The following SCFD2 variants were observed in gnomAD, a reference collection of about 807,000 sequenced individuals.
SCFD2 encodes sec1 family domain containing 2.
Under a neutral mutation model 58.9 loss-of-function variants are expected in SCFD2, and 54 were observed. The ratio of observed to expected loss-of-function variants is 0.92; its 90% confidence interval spans 0.74 to 1.15. The LOEUF is 1.15. Among genes scored for constraint, SCFD2 ranks in the 50% most tolerant of loss-of-function variants. The pLI, the probability that SCFD2 is intolerant of heterozygous loss-of-function variation, is 0.00. For synonymous variants in SCFD2, 321 were observed against 335.9 expected, an observed-to-expected ratio of 0.96 and a Z score of 0.49; for missense variants, 805 against 836.6, an observed-to-expected ratio of 0.96 and a Z score of 0.47.
chr4:53,032,885 C>A (rs1722654515), intron 5 of SCFD2, among the ~76,000 whole-genome samples: 2 of 152,020 alleles, frequency 1.3e-5, no homozygotes, highest in Admixed American at 1.3e-4. Context: ...TTTAACAAAC[C>A]CTTGTCAATA....
chr4:53,237,921 C>T (rs1370905976), intron 4 of SCFD2, among the ~76,000 whole-genome samples: 2 of 108,386 alleles, frequency 1.8e-5, no homozygotes, highest in African/African-American at 7.1e-5. Context: ...CCCCCCACCT[C>T]CCTTCCGGAC....
In SCFD2 at chr4:53,365,455, CA is replaced by C. The variant is rs1422517420; in HGVS notation, c.486del (p.Val163LeufsTer7). The C allele has an allele frequency of 1.9e-6, 3 of 1,614,082 alleles. No individual in the cohort carries two copies. Among genetic ancestry groups the C allele is most frequent in the Non-Finnish European group, 2.5e-6 (3 of 1,180,060 alleles). ...GGAGTCAAGGCAAAGTGGGGAGCAA[CA>C]GGGGCAAGCAATAACGGGACATGGA... ...EVFHVPLLLA[P>X]VAPHFALTPA... On this transcript the variant is annotated frameshift_variant, in exon 1 of 9. Coordinates refer to ENST00000401642, the MANE Select transcript of SCFD2 (RefSeq NM_152540.4). LOFTEE classifies it high-confidence loss of function. The surrounding 1 kb of genome is among the most constrained non-coding windows in gnomAD (Gnocchi z 4.3).
At chr4:52,970,122 C>T (rs1721060855) in intron 5 of SCFD2, among the ~76,000 whole-genome samples, 1 of 152,294 alleles carries the variant, frequency 6.6e-6, no homozygotes, top group Non-Finnish European at 1.5e-5. Flanking sequence ...TCTTCATTTC[C>T]AACTGAGGTA....
At chr4:52,956,222 C>T (rs541996527) in intron 5 of SCFD2, 10 of 456,742 alleles carry the variant, frequency 2.2e-5, no homozygotes, top group African/African-American at 1.2e-4. Flanking sequence ...CTACATCCTA[C>T]CTGCCTCCCC....
intron 6 of SCFD2, among the ~76,000 whole-genome samples, chr4:52,913,476 C>G (rs1391096351): frequency 2.0e-5 from 3 of 152,188 alleles, no homozygotes; most frequent in Admixed American, 2.0e-4. Context: ...GTCACTGTCT[C>G]TGTCTCCCAT....
At chr4:52,921,248 A>T (rs754522236) in intron 5 of SCFD2, among the ~76,000 whole-genome samples, 1 of 152,152 alleles carries the variant, frequency 6.6e-6, no homozygotes, top group Non-Finnish European at 1.5e-5. Context: ...GACTGTTATG[A>T]TCAAACTCAC....
At chr4:53,082,017 T>G (rs1444721833) in intron 5 of SCFD2, among the ~76,000 whole-genome samples, 1 of 152,238 alleles carries the variant, frequency 6.6e-6, no homozygotes, top group Admixed American at 6.5e-5. Context: ...TCATCCATGT[T>G]GTAGCATGTG....
intron 1 of SCFD2, among the ~76,000 whole-genome samples, chr4:53,356,936 A>G (rs1204235879): frequency 1.3e-5 from 2 of 151,978 alleles, no homozygotes; most frequent in African/African-American, 4.8e-5. Flanking sequence ...ACAGGGTTGT[A>G]GACATATTTT....
intron 3 of SCFD2, among the ~76,000 whole-genome samples, chr4:53,278,085 C>G (rs1230543740): frequency 1.4e-5 from 2 of 147,536 alleles, no homozygotes; most frequent in Non-Finnish European, 3.0e-5. Flanking sequence ...AAACAGTCCT[C>G]GCCAGGCGCA....
chr4:52,926,311 T>C lies in SCFD2; in HGVS notation c.1562-5441A>G, dbSNP rs75091155. Among the ~76,000 whole-genome samples, 236 of 152,104 alleles carry C rather than the reference T, an allele frequency of 1.6e-3. 2 individuals are homozygous for C. In the East Asian group the frequency reaches 0.035, roughly 22 times the overall value. On this transcript the variant is annotated intron_variant, in intron 5 of 8. Coordinates refer to ENST00000401642, the MANE Select transcript of SCFD2 (RefSeq NM_152540.4). ...GGTATTTAGGAAAATAAAACATCTT[T>C]CATCAGAAGGGTGCTTCAGTCTGGA...
intron 1 of SCFD2, among the ~76,000 whole-genome samples, chr4:53,358,001 G>A (rs1329312259): frequency 6.6e-6 from 1 of 151,894 alleles, no homozygotes; most frequent in Non-Finnish European, 1.5e-5. Flanking sequence ...CGTAAAATTG[G>A]GATAATTATA....
At chr4:53,316,226 T>C (rs1369255406) in intron 2 of SCFD2, among the ~76,000 whole-genome samples, 1 of 152,250 alleles carries the variant, frequency 6.6e-6, no homozygotes, top group African/African-American at 2.4e-5. Flanking sequence ...TGTTTATTTG[T>C]TGTCTGTCTC....
intron 5 of SCFD2, among the ~76,000 whole-genome samples, chr4:53,030,595 C>T (rs1274481391): frequency 1.3e-5 from 2 of 152,196 alleles, no homozygotes; most frequent in East Asian, 3.9e-4. Flanking sequence ...ACTAATTTTG[C>T]ATTTTTAGTA....
intron 5 of SCFD2, among the ~76,000 whole-genome samples, chr4:52,968,722 C>T (rs371934371): frequency 1.3e-5 from 2 of 151,972 alleles, no homozygotes; most frequent in African/African-American, 4.8e-5. Context: ...GTGTGGGGAT[C>T]GGCAACCAAC....
At chr4:52,875,114 T>A (rs1028201758) in intron 8 of SCFD2, among the ~76,000 whole-genome samples, 4 of 152,206 alleles carry the variant, frequency 2.6e-5, no homozygotes, top group African/African-American at 9.7e-5. Flanking sequence ...AGTCAGCGGC[T>A]GAGTCAGGAT....
chr4:53,163,115 G>A (rs1290463329), intron 4 of SCFD2, among the ~76,000 whole-genome samples: 2 of 152,118 alleles, frequency 1.3e-5, no homozygotes, highest in Non-Finnish European at 2.9e-5. Flanking sequence ...GCCGGGACAA[G>A]GCCCTGGAGT....
chr4:53,049,030 A>T (rs771209682), intron 5 of SCFD2, among the ~76,000 whole-genome samples: 6 of 152,218 alleles, frequency 3.9e-5, no homozygotes, highest in Non-Finnish European at 8.8e-5. Flanking sequence ...AGTAAATCAG[A>T]TGAACAGTGT....
At chr4:52,926,769 C>A (rs964718188) in intron 5 of SCFD2, among the ~76,000 whole-genome samples, 2 of 152,106 alleles carry the variant, frequency 1.3e-5, no homozygotes, top group African/African-American at 4.8e-5. Context: ...TCCATGGGCT[C>A]CTGGGGCAGT....
At chr4:52,979,445 A>G (rs963462081) in intron 5 of SCFD2, among the ~76,000 whole-genome samples, 7 of 152,070 alleles carry the variant, frequency 4.6e-5, no homozygotes, top group East Asian at 1.9e-4. Flanking sequence ...TTTCACAACT[A>G]TTAGGAGACT....
Sources: gnomAD v4.1 joint callset for allele counts (sites outside exome capture counted in the v4.1 genomes callset) on GRCh38, gnomAD v4.1.1 for gene constraint, Gnocchi (gnomAD v3.1) non-coding constraint, MANE v1.5 for transcripts, NCBI Gene and HGNC (gene_info 2026-07-23, HGNC 2026-07-21) for gene names.